Variants in LIG3 observed in about 807,000 individuals in gnomAD.
LIG3 encodes the protein ligase II, DNA, ATP-dependent.
LIG3 carries 58 observed loss-of-function variants against 110.9 expected under a neutral mutation model. The observed-to-expected ratio is 0.52, with a 90% CI of 0.42 to 0.65. The LOEUF is 0.65. LIG3 is among the 30% of genes least tolerant of loss of function. The probability of loss-of-function intolerance (pLI) is 0.00; values close to 1 mark genes in which losing one functional copy is unlikely to be tolerated. For synonymous variants in LIG3, 422 were observed against 472.8 expected, an observed-to-expected ratio of 0.89 and a Z score of 1.39; for missense variants, 1,094 against 1,273.8, an observed-to-expected ratio of 0.86 and a Z score of 2.15.
At chr17:35,001,885 T>C (rs1189052810) in intron 17 of LIG3, 24 bp from the exon 18 acceptor site, 1 of 1,599,544 alleles carries the variant, frequency 6.3e-7, no homozygotes, top group East Asian at 2.2e-5. Flanking sequence ...TGAAACCCTC[T>C]GACATTGTCC....
intron 8 of LIG3, 31 bp from the exon 9 acceptor site, chr17:34,994,245 A>G (rs1342386966): frequency 1.9e-6 from 3 of 1,597,354 alleles, no homozygotes; most frequent in Non-Finnish European, 2.6e-6. Flanking sequence ...CCTCATTGAA[A>G]GTCTCCAGGC....
In LIG3 at chr17:34,982,988, A is replaced by T. The variant is rs1261805510; in HGVS notation, c.-4-14A>T. The stretch of plus-strand genomic sequence containing the variant: ...CTTTTTTTTTTTTTTTTGGCCTCCT[A>T]CTCTTTCGTACAGCTATATGTCTTT... On this transcript the variant is annotated splice_polypyrimidine_tract_variant and intron_variant, in intron 1 of 19. Transcript: ENST00000378526. 6.3e-6 allele frequency: 9 copies of T among 1,419,452 alleles called. No individual in the cohort carries two copies. The highest frequency in any genetic ancestry group is 2.5e-5 in the East Asian group (1 of 39,638). The allele number at this position is 1,419,452 out of a possible 1,614,324, so 87.9% of individuals were successfully genotyped here.
At chr17:35,000,444 G>C (rs2879347) in intron 16 of LIG3, among the ~76,000 whole-genome samples, 7,544 of 152,020 alleles carry the variant, frequency 0.05, 327 homozygotes, top group Admixed American at 0.15. Context: ...TTTTAGTAGA[G>C]ATGTGGTTTC....
Position 34,994,395 on chromosome 17 carries a change from C to T in LIG3, c.1575C>T (p.Tyr525=), listed in dbSNP as rs751283749. The T allele has an allele frequency of 5.0e-6, 8 of 1,614,088 alleles. No homozygotes were observed. In the Admixed American group the frequency reaches 1.3e-4, roughly 27 times the overall value. ...ATAAGAATGGAGACCACTTCAGCTA[C>T]TTCAGCCGCAGTCTCAAGCCCGTCC... ...QVHKNGDHFS[Y]FSRSLKPVLP... is the part of the protein sequence containing the mutation. The change falls in exon 9 of 20, where the codon TAC becomes TAT. Residue 525 remains tyrosine (Y), a synonymous_variant. Transcript: ENST00000378526.
In LIG3 at chr17:34,991,850, C is replaced by A. The variant is rs901007212; in HGVS notation, c.1208+13C>A. On this transcript the variant is annotated intron_variant, in intron 6 of 19. Coordinates refer to ENST00000378526, the MANE Select transcript of LIG3 (RefSeq NM_013975.4). ...ACATTGCCTCCAGGTGGGGGAGCTG[C>A]CTCCGTCAAACCATGCCCATAGAGA... The A allele has an allele frequency of 6.2e-7, 1 of 1,614,034 alleles. No homozygotes were observed. The highest frequency in any genetic ancestry group is 1.3e-5 in the African/African-American group (1 of 75,052).
chr17:34,992,564 G>T lies in LIG3; in HGVS notation c.1327G>T (p.Ala443Ser). 1 of 1,612,708 alleles carries T rather than the reference G, an allele frequency of 6.2e-7. No individual in the cohort carries two copies. Among genetic ancestry groups the T allele is most frequent in the Non-Finnish European group, 8.5e-7 (1 of 1,179,346 alleles). The change falls in exon 8 of 20, where the codon GCC (alanine) becomes TCC (serine). Residue 443 changes from alanine (A) to serine (S), a missense_variant. Coordinates refer to ENST00000378526, the MANE Select transcript of LIG3 (RefSeq NM_013975.4). Reference protein sequence around the residue: ...LDPNAYEAFKASRNLQDVVER... With the variant: ...LDPNAYEAFKSSRNLQDVVER... Reference sequence around the variant, plus strand: ...CCCCAATGCCTATGAAGCCTTCAAAGCCTCGCGCAACCTGCAGGATGTGGT... The same window carrying T: ...CCCCAATGCCTATGAAGCCTTCAAATCCTCGCGCAACCTGCAGGATGTGGT...
intron 16 of LIG3, among the ~76,000 whole-genome samples, chr17:35,000,730 C>G (rs981414920): frequency 3.3e-5 from 5 of 150,980 alleles, no homozygotes; most frequent in African/African-American, 7.3e-5. Flanking sequence ...GTTCTCTCAC[C>G]TCAGTCTCCC....
intron 3 of LIG3, among the ~76,000 whole-genome samples, chr17:34,988,273 G>C (rs2090680756): frequency 6.6e-6 from 1 of 152,028 alleles, no homozygotes; most frequent in East Asian, 1.9e-4. Flanking sequence ...GAAGAGTCCA[G>C]GTGATGATAA....
downstream of LIG3, chr17:35,010,456 A>G (rs2142309193): frequency 6.6e-6 from 1 of 152,414 alleles, no homozygotes; most frequent in South Asian, 2.1e-4. Flanking sequence ...TAAAGAGCCT[A>G]GAAAATGGTT....
intron 4 of LIG3, among the ~76,000 whole-genome samples, chr17:34,990,348 C>T (rs2090705455): frequency 6.6e-6 from 1 of 152,212 alleles, no homozygotes; most frequent in Non-Finnish European, 1.5e-5. Context: ...GGTGCAATCT[C>T]AGCTCACTGC....
chr17:35,003,385 G>A (rs1323140195), intron 19 of LIG3: 1 of 253,464 alleles, frequency 3.9e-6, no homozygotes, highest in East Asian at 9.0e-5. Flanking sequence ...TGCAACCTCC[G>A]CTCACTGCAA....
At chr17:34,982,508 G>A (rs779366404) in intron 1 of LIG3, among the ~76,000 whole-genome samples, 4 of 152,008 alleles carry the variant, frequency 2.6e-5, no homozygotes, top group Admixed American at 6.6e-5. Context: ...TTAGCCGGGC[G>A]TGGTGGCGCA....
At chr17:35,003,206 G>T in intron 19 of LIG3, 1 of 1,481,746 alleles carries the variant, frequency 6.7e-7, no homozygotes, top group Non-Finnish European at 9.0e-7. Context: ...GCGAGTCGGG[G>T]AGAGGGCACT....
chr17:35,002,650 T>C lies in LIG3; in HGVS notation c.2675-18T>C. 1 of 1,609,872 alleles carries C rather than the reference T, an allele frequency of 6.2e-7. No individual in the cohort carries two copies. The highest frequency in any genetic ancestry group is 8.5e-7 in the Non-Finnish European group (1 of 1,178,432). On this transcript the variant is annotated intron_variant, in intron 18 of 19. Coordinates refer to ENST00000378526, the MANE Select transcript of LIG3 (RefSeq NM_013975.4). Reference sequence around the variant, plus strand: ...ATAGGTGTGCACCACCACACCCAGCTTCCTCTCTGTCCTGCAGGCAACATG... The same window carrying C: ...ATAGGTGTGCACCACCACACCCAGCCTCCTCTCTGTCCTGCAGGCAACATG...
At chr17:35,003,197 C>T (rs1466411848) in intron 19 of LIG3, 10 of 1,489,534 alleles carry the variant, frequency 6.7e-6, no homozygotes, top group Middle Eastern at 1.9e-4. Context: ...CAGCAAGCAG[C>T]GAGTCGGGGA....
At chr17:35,000,790 T>G (rs2090832800) in intron 16 of LIG3, among the ~76,000 whole-genome samples, 1 of 151,398 alleles carries the variant, frequency 6.6e-6, no homozygotes, top group Non-Finnish European at 1.5e-5. Context: ...ATTTTTGCAT[T>G]TTTAGTAGAG....
At chr17:34,987,012 A>G (rs2090663212) in intron 3 of LIG3, among the ~76,000 whole-genome samples, 1 of 152,238 alleles carries the variant, frequency 6.6e-6, no homozygotes, top group African/African-American at 2.4e-5. Flanking sequence ...CTGGGTTCAA[A>G]TCCCATCTCC....
intron 18 of LIG3, 145 bp from the exon 19 acceptor site, chr17:35,002,523 G>T: frequency 1.3e-6 from 1 of 789,318 alleles, no homozygotes. Flanking sequence ...TTTAGAGACA[G>T]GGTCTCACTC....
intron 19 of LIG3, 112 bp downstream of exon 19, chr17:35,002,901 C>T (rs1409095023): frequency 8.8e-6 from 14 of 1,594,350 alleles, no homozygotes; most frequent in East Asian, 4.5e-5. Context: ...TGGGGAACAT[C>T]GGCTAAACCT....
Sources: gnomAD v4.1 joint callset for allele counts (sites outside exome capture counted in the v4.1 genomes callset) on GRCh38, gnomAD v4.1.1 for gene constraint, MANE v1.5 for transcripts, NCBI Gene and HGNC (gene_info 2026-07-23, HGNC 2026-07-21) for gene names.